Variants in ACTMAP observed in about 807,000 individuals in gnomAD.
ACTMAP encodes the protein UPF0692 protein C19orf54.
chr19:40,742,752 C>T, the ACTMAP span: 15 of 1,608,896 alleles, frequency 9.3e-6, no homozygotes, highest in Admixed American at 6.8e-5. Context: ...GGGCACAGCC[C>T]GAACACCCAG....
chr19:40,740,865 G>A, the ACTMAP span: 1,295 of 397,850 alleles, frequency 3.3e-3, 20 homozygotes, highest in African/African-American at 0.024. Context: ...AGCCAATGTC[G>A]TAGAGCTTTT....
the ACTMAP span, chr19:40,744,136 C>CTTGGCCTGG: frequency 1.4e-5 from 23 of 1,612,094 alleles, no homozygotes; most frequent in Admixed American, 3.8e-4. Context: ...GCCCAGGCCA[C>CTTGGCCTGG]CAGAGAGCAG....
At chr19:40,744,850 G>A in the ACTMAP span, 2 of 1,123,712 alleles carry the variant, frequency 1.8e-6, no homozygotes, top group Admixed American at 5.7e-5. Flanking sequence ...CTGGAGGGCT[G>A]GGGGTGGAAG....
At chr19:40,741,270 C>T in the ACTMAP span, 6 of 316,162 alleles carry the variant, frequency 1.9e-5, no homozygotes, top group Non-Finnish European at 2.9e-5. Flanking sequence ...GGCAAAGCCC[C>T]GTCTCTACTA....
At chr19:40,741,821 T>C in the ACTMAP span, 1 of 456,194 alleles carries the variant, frequency 2.2e-6, no homozygotes, top group Admixed American at 2.4e-5. Flanking sequence ...CTAACACAGG[T>C]AGAGGGGCTG....
At chr19:40,744,397 GC>G in the ACTMAP span, among the ~76,000 whole-genome samples, 1 of 152,298 alleles carries the variant, frequency 6.6e-6, no homozygotes, top group East Asian at 1.9e-4. Flanking sequence ...AACCTAGGCA[GC>G]CAGCTCAAGT....
the ACTMAP span, chr19:40,749,383 T>G: frequency 2.4e-6 from 3 of 1,255,194 alleles, no homozygotes; most frequent in Non-Finnish European, 3.3e-6. Context: ...AGTCAGCCTG[T>G]TTGATCTTGA....
At chr19:40,743,772 C>A in the ACTMAP span, 1 of 1,124,036 alleles carries the variant, frequency 8.9e-7, no homozygotes, top group Non-Finnish European at 1.3e-6. Flanking sequence ...TGGGGCCCAG[C>A]CTGCCCGGTG....
At chr19:40,750,470 C>T in the ACTMAP span, 10,621 of 152,288 alleles carry the variant, frequency 0.07, 483 homozygotes, top group East Asian at 0.19. Flanking sequence ...TAAAGTGCAC[C>T]TCCCACTCCC....
the ACTMAP span, chr19:40,744,154 T>G: frequency 1.2e-6 from 2 of 1,607,372 alleles, no homozygotes; most frequent in Non-Finnish European, 8.5e-7. Context: ...CAGCTTGGCC[T>G]GGCAGCCCAG....
chr19:40,749,315 C>T, the ACTMAP span, among the ~76,000 whole-genome samples: 3 of 152,038 alleles, frequency 2.0e-5, no homozygotes, highest in Non-Finnish European at 4.4e-5. Context: ...GTGAGGACAG[C>T]TTTCTTCATT....
the ACTMAP span, chr19:40,745,297 G>A: frequency 8.4e-7 from 1 of 1,188,492 alleles, no homozygotes; most frequent in Non-Finnish European, 1.2e-6. Context: ...ATGATGAAGG[G>A]AATATGGGCC....
At chr19:40,742,570 CCCGGA>C in the ACTMAP span, 1 of 1,605,568 alleles carries the variant, frequency 6.2e-7, no homozygotes, top group Non-Finnish European at 8.5e-7. Context: ...AGGTTGCTCT[CCCGGA>C]CCTGGTCGTA....
chr19:40,748,196 G>T, the ACTMAP span, among the ~76,000 whole-genome samples: 1 of 152,074 alleles, frequency 6.6e-6, no homozygotes, highest in East Asian at 1.9e-4. Context: ...AGGCCCAGTG[G>T]CTCACGCCTG....
the ACTMAP span, among the ~76,000 whole-genome samples, chr19:40,748,387 A>G: frequency 6.6e-6 from 1 of 151,902 alleles, no homozygotes; most frequent in African/African-American, 2.4e-5. Flanking sequence ...AAAAAAAAAA[A>G]GTGTCTGGAA....
chr19:40,743,603 A>T, the ACTMAP span, among the ~76,000 whole-genome samples: 1 of 151,856 alleles, frequency 6.6e-6, no homozygotes, highest in Non-Finnish European at 1.5e-5. Flanking sequence ...TGTTACCCCC[A>T]ATTTCCAGAT....
At chr19:40,745,233 A>G in the ACTMAP span, 1 of 1,549,400 alleles carries the variant, frequency 6.5e-7, no homozygotes, top group Non-Finnish European at 8.7e-7. Context: ...CCAGGGAGCC[A>G]GCTCTGAAGC....
the ACTMAP span, chr19:40,742,897 G>A: frequency 2.8e-5 from 26 of 912,604 alleles, no homozygotes; most frequent in East Asian, 3.4e-4. Context: ...TTACGGTGAC[G>A]TTAGTGGTGG....
chr19:40,741,553 G>C, the ACTMAP span: 3 of 370,588 alleles, frequency 8.1e-6, no homozygotes, highest in Non-Finnish European at 1.6e-5. Flanking sequence ...GGAGGGGTCA[G>C]GTATTCATGA....
Sources: gnomAD v4.1 joint callset for allele counts (sites outside exome capture counted in the v4.1 genomes callset) on GRCh38, gnomAD v4.1.1 for gene constraint, MANE v1.5 for transcripts, NCBI Gene and HGNC (gene_info 2026-07-23, HGNC 2026-07-21) for gene names.